KMT2B: variants seen among roughly 807,000 people sequenced by gnomAD.
The protein encoded by KMT2B is histone-lysine N-methyltransferase 2B.
A neutral mutation model predicts 255.3 loss-of-function variants in KMT2B; 22 were observed. The ratio of observed to expected loss-of-function variants is 0.09; its 90% CI spans 0.06 to 0.12. The LOEUF (loss-of-function observed/expected upper bound fraction) is 0.12. Among genes scored for constraint, KMT2B ranks in the 10% least tolerant of loss-of-function variants. The pLI is 1.00. For missense variants in KMT2B, 3,149 were observed against 3,737.0 expected (o/e 0.84, Z 4.10); for synonymous variants, 1,730 against 1,498.1 (o/e 1.15, Z -3.57).
chr19:35,734,727 C>T (rs536179652), intron 30 of KMT2B, among the ~76,000 whole-genome samples: 88 of 152,292 alleles, frequency 5.8e-4, no homozygotes, highest in Non-Finnish European at 9.4e-4. Flanking sequence ...GTGGAGTTTT[C>T]TGTTGGTCCC....
At position 35,721,251 on chromosome 19, in the gene KMT2B, C is replaced by T. The variant is rs1568369321; in HGVS notation, c.1904C>T (p.Pro635Leu). The T allele has an allele frequency of 6.5e-6, 10 of 1,529,190 alleles. No individual in the cohort carries two copies. Among genetic ancestry groups the T allele is most frequent in the Non-Finnish European group, 8.8e-6 (10 of 1,137,654 alleles). The allele number at this position is 1,529,190 out of a possible 1,614,324, so 94.7% of individuals were successfully genotyped here. A position where few individuals can be genotyped will look rare whatever the true frequency, so the allele number is the denominator to read the frequency against. Residue 635 changes from proline to leucine, a missense_variant, in exon 3 of 37, where the codon CCT (proline) becomes CTT (leucine). This residue lies in a region of KMT2B where 1,188 missense variants were observed against 1,106.4 expected (regional missense o/e 1.07). Transcript: ENST00000420124. ...PPPPPAPSPP[P>L]APATSSRRPL... ...CCTCCCCCGGCCCCCTCCCCACCCC[C>T]TGCTCCTGCCACCTCCTCCCGGAGG...
In KMT2B at chr19:35,725,152, C is replaced by G; in HGVS notation, c.3528+65C>G. The stretch of plus-strand genomic sequence containing the variant: ...GGAAGAACCTCGATGACTGTGTCAT[C>G]GAGAAGCCAGGTGGGTCTGCCTTGT... On this transcript the variant is annotated intron_variant, in intron 10 of 36. Transcript: ENST00000420124. This position sits in a 1 kb window ranked among gnomAD's most constrained non-coding sequence, Gnocchi z 4.1. 1 of 1,575,280 alleles carries G rather than the reference C, an allele frequency of 6.3e-7. No homozygotes were observed. Among genetic ancestry groups the G allele is most frequent in the Admixed American group, 1.7e-5 (1 of 59,608 alleles).
chr19:35,719,562 A>T, intron 2 of KMT2B, 21 bp downstream of exon 2: 1 of 1,576,272 alleles, frequency 6.3e-7, no homozygotes. Context: ...GGGGAACTCC[A>T]CCTCTTTAGC....
chr19:35,737,767 G>C lies in KMT2B; in HGVS notation c.7658+24G>C. ...AGGTATGGAGTGTGAGCTGGGGGGC[G>C]GGTGGTGGTCTGGAAGGGTCTTAGA... On this transcript the variant is annotated intron_variant, in intron 34 of 36. Transcript: ENST00000420124. The surrounding 1 kb of genome is among the most constrained non-coding windows in gnomAD (Gnocchi z 5.3). 1 of 1,554,186 alleles carries C rather than the reference G, an allele frequency of 6.4e-7. No individual in the cohort carries two copies. The highest frequency in any genetic ancestry group is 8.7e-7 in the Non-Finnish European group (1 of 1,146,818).
In KMT2B at chr19:35,730,791, G is replaced by A; in HGVS notation, c.5361G>A (p.Gly1787=). The change falls in exon 26 of 37, where the codon GGG becomes GGA. Residue 1787 remains glycine (G), a synonymous_variant. Transcript: ENST00000420124. ...GAATTCTGGAGTATCGGCCATGGGG[G>A]CCGAGGGAAGAGCCAGCTCACCTGG... ...RCRILEYRPW[G]PREEPAHLEA... The A allele has an allele frequency of 1.2e-6, 2 of 1,613,770 alleles. No homozygotes were observed. The highest frequency in any genetic ancestry group is 1.3e-5 in the African/African-American group (1 of 75,058).
chr19:35,726,101 C>G (rs1969428398), intron 13 of KMT2B, 135 bp from the exon 14 acceptor site: 17 of 702,726 alleles, frequency 2.4e-5, no homozygotes, highest in Non-Finnish European at 4.1e-5. Flanking sequence ...CCGTGTCTGT[C>G]CTGCGTGTTT....
Position 35,730,453 on chromosome 19 carries a change from G to A in KMT2B, c.5188G>A (p.Val1730Met), listed in dbSNP as rs766608261. 3.7e-6 allele frequency: 6 copies of A among 1,613,794 alleles called. No individual in the cohort carries two copies. The highest frequency in any genetic ancestry group is 2.2e-5 in the East Asian group (1 of 44,874). Residue 1730 changes from valine to methionine, a missense_variant, in exon 24 of 37, where the codon GTG becomes ATG. Val to Met is a conservative substitution (Grantham distance 21). Transcript: ENST00000420124. ...GGGGCTTGAACCCGATGCCATCAACGTGCTCATTGGTAAGCTGCCTGCTCT... is the reference window on the plus strand; with the variant it reads ...GGGGCTTGAACCCGATGCCATCAACATGCTCATTGGTAAGCTGCCTGCTCT... Reference protein sequence around the residue: ...LTGLEPDAINVLIGSIRIDSL... With the variant: ...LTGLEPDAINMLIGSIRIDSL...
chr19:35,721,753 G>A lies in KMT2B; in HGVS notation c.2406G>A (p.Gln802=), dbSNP rs985721762. 5 of 1,609,564 alleles carry A rather than the reference G, an allele frequency of 3.1e-6. No homozygotes were observed. The highest frequency in any genetic ancestry group is 4.2e-6 in the Non-Finnish European group (5 of 1,177,988). ...GCCTCCTCAAGAGAGCCAAAGTGCAGCTATTCAAGATCGATCAGCAGCAGC... is the reference window on the plus strand; with the variant it reads ...GCCTCCTCAAGAGAGCCAAAGTGCAACTATTCAAGATCGATCAGCAGCAGC... ...MFSLLKRAKV[Q]LFKIDQQQQQ... is the part of the protein sequence containing the mutation. Residue 802 remains glutamine (Q), a synonymous_variant, in exon 3 of 37, where the codon CAG becomes CAA. Transcript: ENST00000420124.
Position 35,721,746 on chromosome 19 carries a change from A to G in KMT2B, c.2399A>G (p.Lys800Arg), listed in dbSNP as rs779338559. 6.2e-7 allele frequency: 1 copy of G among 1,609,956 alleles called. No individual in the cohort carries two copies. Among genetic ancestry groups the G allele is most frequent in the Admixed American group, 1.7e-5 (1 of 59,432 alleles). The change falls in exon 3 of 37, where the codon AAA (lysine) becomes AGA (arginine). Residue 800 changes from lysine (K) to arginine (R), a missense_variant. Physicochemically the swap from Lys to Arg is conservative, Grantham distance 26. This residue lies in a region of KMT2B where 1,188 missense variants were observed against 1,106.4 expected (regional missense o/e 1.07). Transcript: ENST00000420124. ...EKMFSLLKRA[K>R]VQLFKIDQQQ... ...ATGTTCAGCCTCCTCAAGAGAGCCA[A>G]AGTGCAGCTATTCAAGATCGATCAG...
chr19:35,722,322 C>T, intron 3 of KMT2B, 37 bp from the exon 4 acceptor site: 1 of 1,556,810 alleles, frequency 6.4e-7, no homozygotes. Context: ...TATCTTTCCT[C>T]ACTGTCCAGC....
chr19:35,723,832 G>T lies in KMT2B; in HGVS notation c.3159G>T (p.Gly1053=). Residue 1053 remains glycine (G), a synonymous_variant, in exon 8 of 37, where the codon GGG becomes GGT. Transcript: ENST00000420124. The surrounding 1 kb of genome is among the most constrained non-coding windows in gnomAD (Gnocchi z 7.5). The part of the protein sequence containing the change: ...PGPRRGAGAG[G]PREEVVAHPG... Reference sequence around the variant, plus strand: ...CACGCCGGGGGGCGGGAGCTGGGGGGCCCCGGGAGGAGGTGGTGGCCCACC... The same window carrying T: ...CACGCCGGGGGGCGGGAGCTGGGGGTCCCCGGGAGGAGGTGGTGGCCCACC... The T allele has an allele frequency of 1.3e-6, 2 of 1,596,514 alleles. No homozygotes were observed. The highest frequency in any genetic ancestry group is 1.7e-6 in the Non-Finnish European group (2 of 1,171,028).
chr19:35,718,164 G>A lies in KMT2B; in HGVS notation c.146G>A (p.Arg49His), dbSNP rs1470783261. Reference protein sequence around the residue: ...GAERVRVALRRGGGATGPGGA... With the variant: ...GAERVRVALRHGGGATGPGGA... The stretch of plus-strand genomic sequence containing the variant: ...GAAAGAGTGCGGGTAGCTCTGCGGC[G>A]CGGCGGTGGCGCGACGGGGCCGGGC... Residue 49 changes from arginine (R) to histidine (H), a missense_variant, in exon 1 of 37, where the codon CGC becomes CAC. Arg to His is a conservative substitution (Grantham distance 29, BLOSUM62 0). This residue lies in a region of KMT2B where 1,188 missense variants were observed against 1,106.4 expected (regional missense o/e 1.07). Transcript: ENST00000420124. This position sits in a 1 kb window ranked among gnomAD's most constrained non-coding sequence, Gnocchi z 5.0. 4.6e-6 allele frequency: 5 copies of A among 1,078,534 alleles called. No individual in the cohort carries two copies. The highest frequency in any genetic ancestry group is 5.6e-6 in the Non-Finnish European group (5 of 891,444). The allele number at this position is 1,078,534 out of a possible 1,614,324, so 66.8% of individuals were successfully genotyped here. A position where few individuals can be genotyped will look rare whatever the true frequency, so the allele number is the denominator to read the frequency against.
rs1267209181 is a variant in KMT2B at position 35,723,379 on chromosome 19, G to A, written c.3003-68G>A. 4.6e-6 allele frequency: 7 copies of A among 1,537,844 alleles called. No individual in the cohort carries two copies. Among genetic ancestry groups the A allele is most frequent in the Non-Finnish European group, 8.8e-7 (1 of 1,136,428 alleles). ...AGAGCAGTGGGGTTGGCATTCTTGT[G>A]GAGAGCTTCCTCTCTTCCCCCAGAC... is the stretch of plus-strand genomic sequence containing the variant. On this transcript the variant is annotated intron_variant, in intron 6 of 36. Transcript: ENST00000420124. This position sits in a 1 kb window ranked among gnomAD's most constrained non-coding sequence, Gnocchi z 7.5.
rs181515152 is a variant in KMT2B at position 35,727,139 on chromosome 19, C to T, written c.4004-17C>T. ...GGAACTCCAGCACCTCTGACTCCTT[C>T]TCTTCCCTTTCTCTAGGAAACTACT... On this transcript the variant is annotated splice_polypyrimidine_tract_variant and intron_variant, in intron 14 of 36. Transcript: ENST00000420124. The surrounding 1 kb of genome is among the most constrained non-coding windows in gnomAD (Gnocchi z 4.2). 3.1e-3 allele frequency: 4,961 copies of T among 1,583,842 alleles called. 10 individuals are homozygous for T. Among genetic ancestry groups the T allele is most frequent in the Non-Finnish European group, 4.0e-3 (4,654 of 1,158,552 alleles).
intron 30 of KMT2B, chr19:35,735,399 C>T (rs1969877567): frequency 6.6e-6 from 1 of 152,246 alleles, no homozygotes; most frequent in Non-Finnish European, 1.5e-5. Flanking sequence ...GCGGATCCCT[C>T]CCGCCTTGAA....
Position 35,737,699 on chromosome 19 carries a change from C to A in KMT2B, c.7614C>A (p.Ala2538=), listed in dbSNP as rs748574578. Reference sequence around the variant, plus strand: ...AGCACCGGGTGCTCCCTGAGGGGGCCACCTGTGATGAGGAAGAGGATGAGG... The same window carrying A: ...AGCACCGGGTGCTCCCTGAGGGGGCAACCTGTGATGAGGAAGAGGATGAGG... ...ASQHRVLPEG[A]TCDEEEDEVQ... is the part of the protein sequence containing the mutation. Residue 2538 remains alanine, a synonymous_variant, in exon 34 of 37, where the codon GCC becomes GCA. Coordinates refer to ENST00000420124, the MANE Select transcript of KMT2B (RefSeq NM_014727.3). The surrounding 1 kb of genome is among the most constrained non-coding windows in gnomAD (Gnocchi z 5.3). 14 of 1,584,306 alleles carry A rather than the reference C, an allele frequency of 8.8e-6. No homozygotes were observed. Among genetic ancestry groups the A allele is most frequent in the Non-Finnish European group, 1.1e-5 (13 of 1,165,182 alleles).
chr19:35,730,917 A>G, intron 26 of KMT2B, 50 bp downstream of exon 26: 1 of 1,509,770 alleles, frequency 6.6e-7, no homozygotes, highest in Non-Finnish European at 8.9e-7. Flanking sequence ...CCCTAAACAA[A>G]CCTACAGATC....
chr19:35,738,587 A>G lies in KMT2B; in HGVS notation c.*30A>G, dbSNP rs990456096. The stretch of plus-strand genomic sequence containing the variant: ...GTGGCTGCCCACCACGACCCCTCAC[A>G]CCTCCTGCTGCCGTCGCTGCCATCT... On this transcript the variant is annotated 3_prime_UTR_variant, in exon 37 of 37. Transcript: ENST00000420124. The surrounding 1 kb of genome is among the most constrained non-coding windows in gnomAD (Gnocchi z 8.7). The G allele has an allele frequency of 1.3e-6, 2 of 1,597,466 alleles. No individual in the cohort carries two copies. Among genetic ancestry groups the G allele is most frequent in the African/African-American group, 1.3e-5 (1 of 74,400 alleles).
Position 35,725,763 on chromosome 19 carries a change from C to T in KMT2B, c.3830C>T (p.Pro1277Leu), listed in dbSNP as rs558770050. Residue 1277 changes from proline (P) to leucine (L), a missense_variant, in exon 13 of 37, where the codon CCG (proline) becomes CTG (leucine). Physicochemically the swap from Pro to Leu is moderately conservative, Grantham distance 98 (BLOSUM62 -3). Transcript: ENST00000420124. This position sits in a 1 kb window ranked among gnomAD's most constrained non-coding sequence, Gnocchi z 4.1. ...GAGCGCTGCCGCCATGCATACCACC[C>T]GGCCTGTCTGGGGCCCAGCTATCCA... is the stretch of plus-strand genomic sequence containing the variant. ...ECERCRHAYH[P>L]ACLGPSYPTR... 1.6e-5 allele frequency: 25 copies of T among 1,602,484 alleles called. No individual in the cohort carries two copies. The highest frequency in any genetic ancestry group is 2.7e-5 in the African/African-American group (2 of 74,772).
Sources: gnomAD v4.1 joint callset for allele counts (sites outside exome capture counted in the v4.1 genomes callset) on GRCh38, gnomAD v4.1.1 for gene constraint, gnomAD v4.1.1 regional missense constraint, Gnocchi (gnomAD v3.1) non-coding constraint, MANE v1.5 for transcripts, NCBI Gene and HGNC (gene_info 2026-07-23, HGNC 2026-07-21) for gene names.